The following GALNT17 variants were observed in gnomAD, a reference collection of about 807,000 sequenced individuals.
GALNT17 encodes UDP-GalNAc:polypeptide N-acetylgalactosaminyltransferase-like 3.
A neutral mutation model predicts 63.7 loss-of-function variants in GALNT17; 29 were observed. That is an observed-to-expected ratio of 0.46 (90% confidence interval 0.34 to 0.62). GALNT17 has a LOEUF of 0.62. Among genes scored for constraint, GALNT17 ranks in the 20% least tolerant of loss-of-function variants. The pLI, the probability that GALNT17 is intolerant of heterozygous loss-of-function variation, is 0.01. For synonymous variants in GALNT17, 305 were observed against 318.3 expected, an observed-to-expected ratio of 0.96 and a Z score of 0.45; for missense variants, 603 against 799.6, an observed-to-expected ratio of 0.75 and a Z score of 2.97.
At chr7:71,167,045 C>G (rs1391425630) in intron 1 of GALNT17, among the ~76,000 whole-genome samples, 1 of 115,486 alleles carries the variant, frequency 8.7e-6, no homozygotes, top group East Asian at 2.4e-4. Flanking sequence ...TGGCTAAGTA[C>G]TTTTTTTTTT....
At chr7:71,710,109 G>A (rs1189217566) in intron 9 of GALNT17, among the ~76,000 whole-genome samples, 1 of 152,192 alleles carries the variant, frequency 6.6e-6, no homozygotes, top group African/African-American at 2.4e-5. Flanking sequence ...CCAGCTGAAA[G>A]TAGAGCCATT....
chr7:71,619,426 A>G (rs907360787), intron 6 of GALNT17, among the ~76,000 whole-genome samples: 5 of 151,864 alleles, frequency 3.3e-5, no homozygotes, highest in Non-Finnish European at 5.9e-5. Context: ...ATCCATGAGC[A>G]TAGAATGCTT....
chr7:71,256,155 A>G (rs1438325880), intron 1 of GALNT17, among the ~76,000 whole-genome samples: 1 of 152,210 alleles, frequency 6.6e-6, no homozygotes, highest in Non-Finnish European at 1.5e-5. Flanking sequence ...TTTACCAATC[A>G]GAAAATCTGA....
chr7:71,345,855 C>T (rs1173306065), intron 2 of GALNT17, among the ~76,000 whole-genome samples: 3 of 151,836 alleles, frequency 2.0e-5, no homozygotes, highest in African/African-American at 7.3e-5. Context: ...TCTCACAGGT[C>T]GGTTTTTATA....
chr7:71,336,032 CTTTTTTTTTTTTT>C (rs1167623885), intron 2 of GALNT17, among the ~76,000 whole-genome samples: 1 of 21,288 alleles, frequency 4.7e-5, no homozygotes, highest in African/African-American at 1.9e-4. Context: ...TTCTTTCTTC[CTTTTTTTTTTTTT>C]TTTTTTTTTT....
At chr7:71,402,645 C>T (rs943747307) in intron 3 of GALNT17, among the ~76,000 whole-genome samples, 1 of 149,866 alleles carries the variant, frequency 6.7e-6, no homozygotes, top group Admixed American at 6.6e-5. Flanking sequence ...TGATCAACAT[C>T]TTGTCTCGGT....
chr7:71,229,519 C>T (rs890800308), intron 1 of GALNT17, among the ~76,000 whole-genome samples: 4 of 152,152 alleles, frequency 2.6e-5, no homozygotes, highest in Non-Finnish European at 4.4e-5. Context: ...CTCTGATAGC[C>T]GATGAGTCTG....
Position 71,201,244 on chromosome 7 carries a change from T to TATATATATATATATATAC in GALNT17, c.238+68217_238+68218insTATACATATATATATATA, listed in dbSNP as rs753976717. Among the ~76,000 whole-genome samples, 1,095 of 146,748 alleles carry TATATATATATATATATAC rather than the reference T, an allele frequency of 7.5e-3. 37 individuals are homozygous for TATATATATATATATATAC. Among genetic ancestry groups the TATATATATATATATATAC allele is most frequent in the African/African-American group, 0.024 (947 of 39,230 alleles). On this transcript the variant is annotated intron_variant, in intron 1 of 10. Transcript: ENST00000333538. ...ATGGGGGTGTGTGTGTTTATTTTTA[T>TATATATATATATATATAC]ATATATATATATAATTTGTGTGTGC...
chr7:71,241,836 C>T (rs1003441200), intron 1 of GALNT17, among the ~76,000 whole-genome samples: 3 of 152,096 alleles, frequency 2.0e-5, no homozygotes, highest in Non-Finnish European at 2.9e-5. Context: ...CTGCAGTGAG[C>T]CATGATCACG....
At chr7:71,506,455 C>A (rs1233191276) in intron 5 of GALNT17, among the ~76,000 whole-genome samples, 1 of 151,972 alleles carries the variant, frequency 6.6e-6, no homozygotes, top group African/African-American at 2.4e-5. Context: ...TTAGTAGAGA[C>A]TGGGTTTCAC....
chr7:71,331,165 C>T (rs1791801001), intron 1 of GALNT17, among the ~76,000 whole-genome samples: 1 of 152,188 alleles, frequency 6.6e-6, no homozygotes, highest in South Asian at 2.1e-4. Context: ...TATCACTCAC[C>T]TGGAAACTCA....
chr7:71,241,794 C>T (rs550117558), intron 1 of GALNT17, among the ~76,000 whole-genome samples: 2 of 152,174 alleles, frequency 1.3e-5, no homozygotes, highest in South Asian at 2.1e-4. Flanking sequence ...GAGGCTGAGG[C>T]AGGAGGATTG....
rs577005751 is a variant in GALNT17 at position 71,592,573 on chromosome 7, A to C, written c.1080+21171A>C. ...GCATAGCATAGCATACTAAAATAAA[A>C]TAAAATAAAATAAAATAAAATAAAA... On this transcript the variant is annotated intron_variant, in intron 6 of 10. Transcript: ENST00000333538. Among the ~76,000 whole-genome samples, 767 of 105,300 alleles carry C rather than the reference A, an allele frequency of 7.3e-3. 10 individuals carry two copies. The highest frequency in any genetic ancestry group is 0.027 in the East Asian group (85 of 3,164). 69.1% of individuals were successfully genotyped at this position (105,300 alleles called of 152,430 possible).
chr7:71,156,667 T>TC, intron 1 of GALNT17, among the ~76,000 whole-genome samples: 1 of 145,570 alleles, frequency 6.9e-6, no homozygotes, highest in African/African-American at 2.7e-5. Context: ...CCTTCCTTCT[T>TC]CCCTCCCTCC....
At chr7:71,394,742 A>G (rs1793107628) in intron 3 of GALNT17, among the ~76,000 whole-genome samples, 1 of 152,164 alleles carries the variant, frequency 6.6e-6, no homozygotes, top group Admixed American at 6.6e-5. Context: ...TGGTTCATGC[A>G]TAGCCATTCT....
chr7:71,449,163 A>T (rs1787215454), intron 5 of GALNT17, among the ~76,000 whole-genome samples: 1 of 114,046 alleles, frequency 8.8e-6, no homozygotes, highest in Non-Finnish European at 1.6e-5. Flanking sequence ...CCCAGGCTGG[A>T]GTGCAGTGGC....
chr7:71,703,311 G>A (rs1791678221), intron 9 of GALNT17, among the ~76,000 whole-genome samples: 1 of 152,212 alleles, frequency 6.6e-6, no homozygotes, highest in Admixed American at 6.5e-5. Flanking sequence ...TCAGCTTCTG[G>A]TGAGGCCTCA....
At chr7:71,352,425 T>C (rs1256221391) in intron 2 of GALNT17, among the ~76,000 whole-genome samples, 2 of 152,184 alleles carry the variant, frequency 1.3e-5, no homozygotes, top group Admixed American at 1.3e-4. Context: ...CATCAAGGAA[T>C]ACTACTGGGT....
intron 2 of GALNT17, among the ~76,000 whole-genome samples, chr7:71,374,954 C>A (rs1792694131): frequency 6.6e-6 from 1 of 151,470 alleles, no homozygotes; most frequent in African/African-American, 2.4e-5. Flanking sequence ...ATTCTCATGC[C>A]TCAGCCTCCT....
Sources: gnomAD v4.1 joint callset for allele counts (sites outside exome capture counted in the v4.1 genomes callset) on GRCh38, gnomAD v4.1.1 for gene constraint, MANE v1.5 for transcripts, NCBI Gene and HGNC (gene_info 2026-07-23, HGNC 2026-07-21) for gene names.